Variants in TRHDE observed in about 807,000 individuals in gnomAD.
The protein encoded by TRHDE is thyrotropin-releasing hormone-degrading ectoenzyme.
Under a neutral mutation model 125.7 loss-of-function variants are expected in TRHDE, and 72 were observed. The observed-to-expected ratio is 0.57, with a 90% confidence interval of 0.47 to 0.70. TRHDE has a LOEUF of 0.70. TRHDE is among the 30% of genes least tolerant of loss of function. The pLI is 0.00. For missense variants in TRHDE, 1,110 were observed against 1,327.1 expected (o/e 0.84, Z 2.54); for synonymous variants, 509 against 509.1 (o/e 1.00, Z 0.00).
At chr12:72,580,439 G>A (rs2136034904) in intron 12 of TRHDE, among the ~76,000 whole-genome samples, 1 of 152,118 alleles carries the variant, frequency 6.6e-6, no homozygotes. Flanking sequence ...TTGGGTGTTT[G>A]TATTTGTTTT....
chr12:72,449,656 C>A (rs539480673), intron 3 of TRHDE, among the ~76,000 whole-genome samples: 7 of 151,832 alleles, frequency 4.6e-5, no homozygotes, highest in Non-Finnish European at 8.8e-5. Flanking sequence ...AAAAATACAA[C>A]AGGATGCAGC....
chr12:72,344,001 AT>A (rs34386199), intron 2 of TRHDE, among the ~76,000 whole-genome samples: 18,703 of 151,664 alleles, frequency 0.12, 1,728 homozygotes, highest in East Asian at 0.46. Context: ...ATATATATAT[AT>A]TATTTTTCAC....
chr12:72,518,578 A>T (rs1225481991), intron 6 of TRHDE, among the ~76,000 whole-genome samples: 2 of 152,060 alleles, frequency 1.3e-5, no homozygotes, highest in Non-Finnish European at 2.9e-5. Context: ...CAGCACACTG[A>T]TGGGTCTTGA....
rs565203320 is a variant in TRHDE at position 72,569,654 on chromosome 12, A to C, written c.2131+998A>C. On this transcript the variant is annotated intron_variant, in intron 10 of 18. Coordinates refer to ENST00000261180, the MANE Select transcript of TRHDE (RefSeq NM_013381.3). ...CAGCAGTACGAACACTTACAGTTCC[A>C]TGCAGATGTTTACATACATTTTCAG... 2.2e-3 allele frequency among the ~76,000 whole-genome samples: 336 copies of C among 152,358 alleles called. 2 individuals are homozygous for C. Among genetic ancestry groups the C allele is most frequent in the African/African-American group, 7.6e-3 (314 of 41,588 alleles).
chr12:72,505,105 T>A (rs1338437671), intron 6 of TRHDE, among the ~76,000 whole-genome samples: 2 of 152,158 alleles, frequency 1.3e-5, no homozygotes, highest in African/African-American at 2.4e-5. Context: ...CAGCTACTAA[T>A]TTGGGATTGA....
chr12:72,168,532 A>T (rs556777658), intron 2 of TRHDE, among the ~76,000 whole-genome samples: 2 of 152,298 alleles, frequency 1.3e-5, no homozygotes, highest in Admixed American at 6.5e-5. Flanking sequence ...CATAGCAGAG[A>T]CAGTGTGAAT....
intron 1 of TRHDE, among the ~76,000 whole-genome samples, chr12:72,096,214 A>T (rs757893554): frequency 6.6e-6 from 1 of 151,782 alleles, no homozygotes; most frequent in Non-Finnish European, 1.5e-5. Context: ...TAATATACTT[A>T]GTGGAATATT....
chr12:72,340,402 TC>T (rs368693498), intron 2 of TRHDE, among the ~76,000 whole-genome samples: 7 of 152,322 alleles, frequency 4.6e-5, no homozygotes, highest in African/African-American at 1.7e-4. Flanking sequence ...TTCACTTTTT[TC>T]CAGTATTACC....
chr12:72,518,430 G>C (rs574691901), intron 6 of TRHDE, among the ~76,000 whole-genome samples: 11 of 151,766 alleles, frequency 7.2e-5, no homozygotes, highest in African/African-American at 2.7e-4. Context: ...GATCTTTGTT[G>C]GTTTAAAGTC....
At chr12:72,169,758 C>G (rs1277370119) in intron 2 of TRHDE, among the ~76,000 whole-genome samples, 1 of 151,968 alleles carries the variant, frequency 6.6e-6, no homozygotes, top group East Asian at 1.9e-4. Flanking sequence ...AAAAGGGCCC[C>G]ACCCTTATGA....
At chr12:72,528,615 A>G (rs1167859475) in intron 6 of TRHDE, among the ~76,000 whole-genome samples, 1 of 151,860 alleles carries the variant, frequency 6.6e-6, no homozygotes, top group African/African-American at 2.4e-5. Flanking sequence ...CATCCTCCTG[A>G]GTAGCTAGGA....
At chr12:72,638,595 A>G (rs1212095356) in intron 15 of TRHDE, among the ~76,000 whole-genome samples, 1 of 150,240 alleles carries the variant, frequency 6.7e-6, no homozygotes, top group Non-Finnish European at 1.5e-5. Context: ...GTTTCTTCCT[A>G]GTCTCGATGG....
intron 3 of TRHDE, among the ~76,000 whole-genome samples, chr12:72,439,038 C>T (rs1349464734): frequency 1.3e-5 from 2 of 151,928 alleles, no homozygotes; most frequent in East Asian, 1.9e-4. Flanking sequence ...TTTCAAGCAT[C>T]GTTTATTGAA....
chr12:72,242,515 C>T (rs1051131721), intron 2 of TRHDE, among the ~76,000 whole-genome samples: 117 of 152,062 alleles, frequency 7.7e-4, no homozygotes, highest in African/African-American at 2.8e-3. Context: ...TTGGACAAGC[C>T]CTCTGTTTTG....
chr12:72,537,091 C>A (rs1416486583), intron 6 of TRHDE, among the ~76,000 whole-genome samples: 2 of 151,972 alleles, frequency 1.3e-5, no homozygotes, highest in African/African-American at 4.8e-5. Flanking sequence ...TTGTTTACTA[C>A]CCATGTCAAT....
chr12:72,598,696 A>G (rs1170908157), intron 12 of TRHDE, among the ~76,000 whole-genome samples: 1 of 152,090 alleles, frequency 6.6e-6, no homozygotes, highest in East Asian at 1.9e-4. Flanking sequence ...TTTTAAGACT[A>G]GCTTCCTGGT....
At chr12:72,386,408 A>G (rs1300352804) in intron 3 of TRHDE, among the ~76,000 whole-genome samples, 2 of 152,174 alleles carry the variant, frequency 1.3e-5, no homozygotes, top group Admixed American at 1.3e-4. Flanking sequence ...GCATTGCTCT[A>G]GTAATAGATA....
chr12:72,272,600 C>CG lies in TRHDE; in HGVS notation c.-38dup, dbSNP rs1218922706. 2 of 803,336 alleles carry CG rather than the reference C, an allele frequency of 2.5e-6. No individual in the cohort carries two copies. The highest frequency in any genetic ancestry group is 1.8e-5 in the African/African-American group (1 of 56,154). 49.8% of individuals were successfully genotyped at this position (803,336 alleles called of 1,614,324 possible). A position where few individuals can be genotyped will look rare whatever the true frequency, so the allele number is the denominator to read the frequency against. ...GGCTGTGGCCCGGGTGGCCCGCCCG[C>CG]GGGGGGTGCCAGAGGGGGCGGGGGA... On this transcript the variant is annotated 5_prime_UTR_variant, in exon 1 of 19. Coordinates refer to ENST00000261180, the MANE Select transcript of TRHDE (RefSeq NM_013381.3). The surrounding 1 kb of genome is among the most constrained non-coding windows in gnomAD (Gnocchi z 6.7).
intron 2 of TRHDE, among the ~76,000 whole-genome samples, chr12:72,159,431 C>T (rs1298003007): frequency 6.6e-6 from 1 of 152,160 alleles, no homozygotes; most frequent in Non-Finnish European, 1.5e-5. Flanking sequence ...TTCAACTAGG[C>T]AGCGATGAAG....
Sources: gnomAD v4.1 joint callset for allele counts (sites outside exome capture counted in the v4.1 genomes callset) on GRCh38, gnomAD v4.1.1 for gene constraint, Gnocchi (gnomAD v3.1) non-coding constraint, MANE v1.5 for transcripts, NCBI Gene and HGNC (gene_info 2026-07-23, HGNC 2026-07-21) for gene names.